BUD13: variants seen among roughly 807,000 people sequenced by gnomAD.
BUD13 encodes BUD13 homolog.
In BUD13, 47 loss-of-function variants were observed where a neutral mutation model predicts 62.5. The ratio of observed to expected loss-of-function variants is 0.75; its 90% CI spans 0.60 to 0.96. BUD13 has a LOEUF of 0.96. BUD13 is among the 40% of genes least tolerant of loss of function. The pLI, the probability that BUD13 is intolerant of heterozygous loss-of-function variation, is 0.00. For synonymous variants in BUD13, 293 were observed against 280.1 expected, an observed-to-expected ratio of 1.05 and a Z score of -0.46; for missense variants, 821 against 790.9, an observed-to-expected ratio of 1.04 and a Z score of -0.46.
chr11:116,758,039 TCTC>T, intron 7 of BUD13, 89 bp from the exon 8 acceptor site: 2 of 1,523,796 alleles, frequency 1.3e-6, no homozygotes, highest in Non-Finnish European at 1.8e-6. Context: ...GTTTGGACAA[TCTC>T]CTCTTTCTAG....
chr11:116,770,331 TC>T, intron 1 of BUD13, 109 bp from the exon 2 acceptor site: 1 of 872,634 alleles, frequency 1.1e-6, no homozygotes, highest in Non-Finnish European at 1.7e-6. Flanking sequence ...TCCTGCATGG[TC>T]CAGTCTTTGT....
chr11:116,748,364 T>C lies in BUD13; in HGVS notation c.*118A>G, dbSNP rs1284482780. The C allele has an allele frequency of 4.8e-6, 4 of 838,238 alleles. No homozygotes were observed. The allele number at this position is 838,238 out of a possible 1,614,324, so 51.9% of individuals were successfully genotyped here. ...ATTCTTCTGTGGTCAAAACTGGCAT[T>C]CAACAAGTTGCTGGTCTGTGTGGGC... On this transcript the variant is annotated 3_prime_UTR_variant, in exon 10 of 10. Transcript: ENST00000260210.
intron 9 of BUD13, among the ~76,000 whole-genome samples, chr11:116,755,898 T>C (rs1343006328): frequency 2.0e-5 from 3 of 152,110 alleles, no homozygotes; most frequent in Non-Finnish European, 4.4e-5. Context: ...AAAAGCTTTT[T>C]GAGGTCATCA....
At chr11:116,753,846 A>G (rs1432079378) in intron 9 of BUD13, among the ~76,000 whole-genome samples, 3 of 152,226 alleles carry the variant, frequency 2.0e-5, no homozygotes, top group Non-Finnish European at 4.4e-5. Context: ...AAAATCCACA[A>G]TTGATAGTAA....
chr11:116,758,290 A>C lies in BUD13; in HGVS notation c.1478T>G (p.Leu493Arg). 1 of 1,614,194 alleles carries C rather than the reference A, an allele frequency of 6.2e-7. No homozygotes were observed. Among genetic ancestry groups the C allele is most frequent in the Non-Finnish European group, 8.5e-7 (1 of 1,180,030 alleles). The change falls in exon 7 of 10, where the codon CTG (leucine) becomes CGG (arginine). Residue 493 changes from leucine (L) to arginine (R), a missense_variant. Around this residue, in one of 2 missense-constraint regions of BUD13, gnomAD observed 800 missense variants for 739.2 expected, o/e 1.08. Transcript: ENST00000260210. ...KAEKDSERDE[L>R]YAQWGKGLAQ... ...TTACCCTTTTCCCCACTGGGCATAC[A>C]GCTCATCTCTCTCTGAGTCCTTTTC...
intron 7 of BUD13, 37 bp from the exon 8 acceptor site, chr11:116,757,987 T>C (rs896560525): frequency 6.2e-7 from 1 of 1,607,678 alleles, no homozygotes; most frequent in Non-Finnish European, 8.5e-7. Flanking sequence ...TGCTATCCTG[T>C]ATGACATTTC....
intron 2 of BUD13, among the ~76,000 whole-genome samples, chr11:116,766,551 TTTGTGTAACC>T (rs1240509413): frequency 6.6e-6 from 1 of 152,266 alleles, no homozygotes; most frequent in Non-Finnish European, 1.5e-5. Context: ...CCACTTAGCA[TTTGTGTAACC>T]TTTGGTAAAT....
intron 9 of BUD13, among the ~76,000 whole-genome samples, chr11:116,749,555 G>A (rs1282219626): frequency 4.2e-4 from 64 of 152,078 alleles, no homozygotes; most frequent in Non-Finnish European, 1.0e-4. Context: ...ACAAAGGCAC[G>A]GAAATAAGAA....
At chr11:116,763,552 T>C (rs1435783836) in intron 3 of BUD13, among the ~76,000 whole-genome samples, 1 of 152,128 alleles carries the variant, frequency 6.6e-6, no homozygotes, top group Non-Finnish European at 1.5e-5. Context: ...TATTACAGCA[T>C]GAAAACAGAG....
intron 9 of BUD13, among the ~76,000 whole-genome samples, chr11:116,751,815 A>G (rs1275312668): frequency 1.3e-5 from 2 of 152,252 alleles, no homozygotes; most frequent in Admixed American, 6.5e-5. Flanking sequence ...AAGCAGAATC[A>G]GAAAACAAAT....
chr11:116,764,574 T>C (rs1010399547), intron 3 of BUD13, among the ~76,000 whole-genome samples: 1 of 152,142 alleles, frequency 6.6e-6, no homozygotes, highest in African/African-American at 2.4e-5. Context: ...ACCGTGTGTA[T>C]GTGTGTGTCT....
chr11:116,756,293 C>A (rs1263905075), intron 9 of BUD13, among the ~76,000 whole-genome samples: 1 of 151,936 alleles, frequency 6.6e-6, no homozygotes, highest in East Asian at 1.9e-4. Flanking sequence ...GGGCGGGTCA[C>A]CTGAGGTCAG....
chr11:116,772,976 G>C lies in BUD13; in HGVS notation c.-12C>G, dbSNP rs780273873. The C allele has an allele frequency of 5.9e-6, 9 of 1,530,016 alleles. No individual in the cohort carries two copies. In the African/African-American group the frequency reaches 8.5e-5, roughly 14 times the overall value. 94.8% of individuals were successfully genotyped at this position (1,530,016 alleles called of 1,614,324 possible). On this transcript the variant is annotated 5_prime_UTR_variant, in exon 1 of 10. Transcript: ENST00000260210. The stretch of plus-strand genomic sequence containing the variant: ...GGAGCTGCCGCCATGGCAGCGGCGG[G>C]GGCAGAGAGACGGGTCGGCGCTGGG...
At chr11:116,751,220 A>T (rs111871532) in intron 9 of BUD13, among the ~76,000 whole-genome samples, 1 of 152,324 alleles carries the variant, frequency 6.6e-6, no homozygotes, top group African/African-American at 2.4e-5. Context: ...CTCAGGGGCT[A>T]TCTCTCTTTA....
chr11:116,753,550 T>C (rs1417914703), intron 9 of BUD13, among the ~76,000 whole-genome samples: 1 of 152,226 alleles, frequency 6.6e-6, no homozygotes, highest in East Asian at 1.9e-4. Context: ...CTCTACAGTG[T>C]ATCATTCATG....
chr11:116,764,503 T>A (rs546852155), intron 3 of BUD13, among the ~76,000 whole-genome samples: 13 of 152,168 alleles, frequency 8.5e-5, no homozygotes, highest in Non-Finnish European at 1.6e-4. Context: ...TGAGTGAGTG[T>A]GAGTGTGACT....
Position 116,758,043 on chromosome 11 carries a change from C to T in BUD13, c.1500-93G>A, listed in dbSNP as rs1295153580. 4.6e-6 allele frequency: 7 copies of T among 1,513,184 alleles called. No individual in the cohort carries two copies. The African/African-American group carries it at 9.7e-5, about 21-fold the overall frequency. 93.7% of individuals were successfully genotyped at this position (1,513,184 alleles called of 1,614,324 possible). On this transcript the variant is annotated intron_variant, in intron 7 of 9. Transcript: ENST00000260210. ...CATACTGCTAAGTTTGGACAATCTC[C>T]TCTTTCTAGTACCCTAGGGCAAATA...
intron 5 of BUD13, 129 bp downstream of exon 5, chr11:116,760,606 C>CT (rs1940411195): frequency 1.9e-6 from 2 of 1,074,920 alleles, no homozygotes; most frequent in Non-Finnish European, 2.7e-6. Context: ...TCCAAAGGTC[C>CT]TTTTAACTAA....
intron 2 of BUD13, among the ~76,000 whole-genome samples, chr11:116,769,408 T>C (rs1240755476): frequency 6.6e-6 from 1 of 152,250 alleles, no homozygotes; most frequent in Non-Finnish European, 1.5e-5. Context: ...TCTATTAATC[T>C]ACATATCTCC....
Sources: gnomAD v4.1 joint callset for allele counts (sites outside exome capture counted in the v4.1 genomes callset) on GRCh38, gnomAD v4.1.1 for gene constraint, gnomAD v4.1.1 regional missense constraint, MANE v1.5 for transcripts, NCBI Gene and HGNC (gene_info 2026-07-23, HGNC 2026-07-21) for gene names.